Variants in ADAMTS14 observed in about 807,000 individuals in gnomAD.
ADAMTS14 encodes A disintegrin and metalloproteinase with thrombospondin motifs 14.
In ADAMTS14, 100 loss-of-function variants were observed where a neutral mutation model predicts 128.6. The ratio of observed to expected loss-of-function variants is 0.78; its 90% confidence interval spans 0.66 to 0.92. ADAMTS14 has a LOEUF of 0.92. Ranked by LOEUF, ADAMTS14 falls within the 40% of genes least tolerant of loss-of-function variation. The pLI, the probability that ADAMTS14 is intolerant of heterozygous loss-of-function variation, is 0.00. For synonymous variants in ADAMTS14, 665 were observed against 653.8 expected (o/e 1.02, Z -0.26); for missense variants, 1,562 against 1,658.6 (o/e 0.94, Z 1.01).
At chr10:70,686,908 G>A (rs1333166759) in intron 2 of ADAMTS14, among the ~76,000 whole-genome samples, 3 of 90,896 alleles carry the variant, frequency 3.3e-5, no homozygotes, top group East Asian at 1.5e-3. Flanking sequence ...CTCCCGGACG[G>A]GGCGGCTGGC....
At chr10:70,685,556 G>A (rs1355781018) in intron 2 of ADAMTS14, among the ~76,000 whole-genome samples, 1 of 152,156 alleles carries the variant, frequency 6.6e-6, no homozygotes, top group African/African-American at 2.4e-5. Flanking sequence ...TCCAGTAGAG[G>A]AAGCCGAGGC....
intron 12 of ADAMTS14, among the ~76,000 whole-genome samples, chr10:70,742,932 C>T (rs180841194): frequency 3.3e-5 from 5 of 152,198 alleles, no homozygotes; most frequent in East Asian, 1.9e-4. Context: ...CTTTTTTTCA[C>T]GCAGCCTTCT....
At chr10:70,700,530 G>C (rs1564526728) in intron 2 of ADAMTS14, among the ~76,000 whole-genome samples, 1 of 152,190 alleles carries the variant, frequency 6.6e-6, no homozygotes, top group East Asian at 1.9e-4. Context: ...TCTGGGAGGA[G>C]GGAGGATGAA....
At position 70,736,787 on chromosome 10, in the gene ADAMTS14, CGGCAA is replaced by C. The variant is rs1841842815; in HGVS notation, c.1596_1599+1del. Reference sequence around the variant, plus strand: ...CGCTGGATGGGACTGAGTGTGCACCCGGCAAGGTACCTGTGGGGTGTGCAGCAGGA... The same window carrying C: ...CGCTGGATGGGACTGAGTGTGCACCCGGTACCTGTGGGGTGTGCAGCAGGA... On this transcript the variant is annotated frameshift_variant and splice_region_variant, in exon 10 of 22. Transcript: ENST00000373207. LOFTEE classifies it high-confidence loss of function. 3.1e-6 allele frequency: 5 copies of C among 1,613,406 alleles called. No individual in the cohort carries two copies. The highest frequency in any genetic ancestry group is 3.4e-6 in the Non-Finnish European group (4 of 1,179,610).
chr10:70,755,730 T>C (rs1842465861), intron 19 of ADAMTS14, among the ~76,000 whole-genome samples: 1 of 152,126 alleles, frequency 6.6e-6, no homozygotes, highest in African/African-American at 2.4e-5. Context: ...ATGCCTGTAA[T>C]CTCAGCTACT....
chr10:70,704,796 C>T (rs1256369158), intron 3 of ADAMTS14, among the ~76,000 whole-genome samples: 1 of 151,952 alleles, frequency 6.6e-6, no homozygotes, highest in Non-Finnish European at 1.5e-5. Context: ...CACACTCACA[C>T]ATAGACACAC....
rs772145398 is a variant in ADAMTS14, at chr10:70,733,889, G to A, written c.1213G>A (p.Gly405Ser). 14 of 1,611,548 alleles carry A rather than the reference G, an allele frequency of 8.7e-6. No homozygotes were observed. The highest frequency in any genetic ancestry group is 6.7e-5 in the East Asian group (3 of 44,742). The change falls in exon 8 of 22, where the codon GGC becomes AGC. Residue 405 changes from glycine to serine, a missense_variant. Physicochemically the swap from Gly to Ser is moderately conservative, Grantham distance 56 (BLOSUM62 0). Coordinates refer to ENST00000373207, the MANE Select transcript of ADAMTS14 (RefSeq NM_080722.4). ...VIAHETGHVL[G>S]MEHDGQGNGC... ...CCTCTGTCTTCCCCATTCCAGGCTC[G>A]GCATGGAGCATGACGGTCAGGGGAA... is the stretch of plus-strand genomic sequence containing the variant.
In ADAMTS14 at chr10:70,674,610, C is replaced by G. The variant is rs760615488; in HGVS notation, c.137C>G (p.Thr46Arg). The G allele has an allele frequency of 6.2e-7, 1 of 1,614,034 alleles. No individual in the cohort carries two copies. The highest frequency in any genetic ancestry group is 8.5e-7 in the Non-Finnish European group (1 of 1,180,036). The stretch of plus-strand genomic sequence containing the variant: ...TATGGTGTGACAGTGCCCTGCAGCA[C>G]AGACTTTCGGGGACGCTTCCTCTCC... ...SDYGVTVPCS[T>R]DFRGRFLSHV... is the part of the protein sequence containing the mutation. The change falls in exon 2 of 22, where the codon ACA becomes AGA. Residue 46 changes from threonine (T) to arginine (R), a missense_variant. Physicochemically the swap from Thr to Arg is moderately conservative, Grantham distance 71 (BLOSUM62 -1). Transcript: ENST00000373207.
chr10:70,741,291 GAC>G, intron 12 of ADAMTS14, 129 bp downstream of exon 12: 1 of 1,136,428 alleles, frequency 8.8e-7, no homozygotes, highest in Non-Finnish European at 1.2e-6. Flanking sequence ...TGCCAAAAGG[GAC>G]ACTGAAGTCA....
In ADAMTS14 at chr10:70,751,485, C is replaced by T. The variant is rs183942580; in HGVS notation, c.2435C>T (p.Pro812Leu). 1 of 1,604,996 alleles carries T rather than the reference C, an allele frequency of 6.2e-7. No individual in the cohort carries two copies. Among genetic ancestry groups the T allele is most frequent in the Non-Finnish European group, 8.5e-7 (1 of 1,172,440 alleles). Residue 812 changes from proline (P) to leucine (L), a missense_variant, in exon 17 of 22, where the codon CCC becomes CTC. Pro to Leu is a moderately conservative substitution (Grantham distance 98). Coordinates refer to ENST00000373207, the MANE Select transcript of ADAMTS14 (RefSeq NM_080722.4). The part of the protein sequence containing the change: ...LPEAIAILAL[P>L]PTEGGPRSSL... ...CTCCCCATCTCCCCTCAGGCTCTCC[C>T]CCCAACTGAGGGTGGCCCCCGCAGC...
intron 4 of ADAMTS14, among the ~76,000 whole-genome samples, chr10:70,725,680 C>T (rs1168302364): frequency 2.0e-5 from 3 of 152,198 alleles, no homozygotes; most frequent in Non-Finnish European, 4.4e-5. Context: ...GCCCTATCTC[C>T]TAATACCATT....
At chr10:70,752,299 G>C (rs968887198) in intron 18 of ADAMTS14, 72 bp downstream of exon 18, 5 of 1,577,120 alleles carry the variant, frequency 3.2e-6, no homozygotes, top group African/African-American at 1.3e-5. Flanking sequence ...CGGGGCTGCT[G>C]AGCCTGCTCC....
In ADAMTS14 at chr10:70,674,712, C is replaced by G; in HGVS notation, c.239C>G (p.Ser80Cys). ...ACGCCACCCACACTACCACGACACT[C>G]CAGTCACCTCCGGGTGGCTCGCAGC... ...VDTPPTLPRH[S>C]SHLRVARSPL... Residue 80 changes from serine to cysteine, a missense_variant, in exon 2 of 22, where the codon TCC (serine) becomes TGC (cysteine). Coordinates refer to ENST00000373207, the MANE Select transcript of ADAMTS14 (RefSeq NM_080722.4). The G allele has an allele frequency of 6.2e-7, 1 of 1,613,552 alleles. No homozygotes were observed. The highest frequency in any genetic ancestry group is 8.5e-7 in the Non-Finnish European group (1 of 1,180,014).
intron 12 of ADAMTS14, among the ~76,000 whole-genome samples, chr10:70,741,824 A>G (rs932495202): frequency 1.3e-5 from 2 of 152,222 alleles, no homozygotes; most frequent in African/African-American, 2.4e-5. Context: ...TGATGGCTCC[A>G]TAGCGGCAGA....
intron 9 of ADAMTS14, among the ~76,000 whole-genome samples, chr10:70,736,042 A>G (rs988714826): frequency 2.0e-5 from 3 of 152,234 alleles, no homozygotes; most frequent in African/African-American, 7.2e-5. Context: ...TGTCTGGGAC[A>G]TGTGGTCTGA....
chr10:70,697,207 G>C (rs1840355169), intron 2 of ADAMTS14, among the ~76,000 whole-genome samples: 1 of 152,236 alleles, frequency 6.6e-6, no homozygotes, highest in South Asian at 2.1e-4. Context: ...AGAAAGGAGA[G>C]GCAGTCTGGC....
Position 70,702,332 on chromosome 10 carries a change from C to T in ADAMTS14, c.543C>T (p.Asp181=). 1 of 1,614,210 alleles carries T rather than the reference C, an allele frequency of 6.2e-7. No individual in the cohort carries two copies. The highest frequency in any genetic ancestry group is 1.7e-4 in the Middle Eastern group (1 of 6,056). The change falls in exon 3 of 22, where the codon GAC becomes GAT. Residue 181 remains aspartate, a synonymous_variant. Coordinates refer to ENST00000373207, the MANE Select transcript of ADAMTS14 (RefSeq NM_080722.4). Reference sequence around the variant, plus strand: ...TTCAGGCGGGCCTCATCCGCACAGACAGCACCGACTTCTTCATTGAGCCTC... The same window carrying T: ...TTCAGGCGGGCCTCATCCGCACAGATAGCACCGACTTCTTCATTGAGCCTC... ...CDGLAGLIRT[D]STDFFIEPLE...
intron 2 of ADAMTS14, among the ~76,000 whole-genome samples, chr10:70,684,536 G>A (rs1161354827): frequency 6.6e-6 from 1 of 152,242 alleles, no homozygotes; most frequent in Non-Finnish European, 1.5e-5. Context: ...CTTCCACATT[G>A]CCCCTAGGCA....
At position 70,711,091 on chromosome 10, in the gene ADAMTS14, G is replaced by A. The variant is rs942091248; in HGVS notation, c.870+2313G>A. Among the ~76,000 whole-genome samples the A allele has an allele frequency of 3.3e-5, 5 of 152,168 alleles. No homozygotes were observed. The South Asian group carries it at 6.2e-4, about 19-fold the overall frequency. On this transcript the variant is annotated intron_variant, in intron 4 of 21. Transcript: ENST00000373207. ...ACTCAATCTAGATGAAGACAAAAGC[G>A]GTAATTTCTTTCGTGGGTCAAATTG...
Sources: allele counts gnomAD v4.1 joint callset (sites outside exome capture counted in the v4.1 genomes callset), GRCh38; gene constraint gnomAD v4.1.1; transcripts MANE v1.5; gene names NCBI Gene and HGNC (gene_info 2026-07-23, HGNC 2026-07-21).